Variants in CNKSR2 observed in about 807,000 individuals in gnomAD.
CNKSR2 encodes connector enhancer of kinase suppressor of Ras 2.
In CNKSR2, 14 loss-of-function variants were observed where a neutral mutation model predicts 84.4. The ratio of observed to expected loss-of-function variants is 0.17; its 90% confidence interval spans 0.11 to 0.26. The LOEUF is 0.26. Among genes scored for constraint, CNKSR2 ranks in the 10% least tolerant of loss-of-function variants. CNKSR2 has a pLI of 1.00. For synonymous variants in CNKSR2, 275 were observed against 277.9 expected (o/e 0.99, Z 0.10); for missense variants, 485 against 771.2 (o/e 0.63, Z 4.40).
chrX:21,513,457 C>G (rs1181156813), intron 8 of CNKSR2, among the ~76,000 whole-genome samples: 2 of 112,016 alleles, frequency 1.8e-5, no homozygotes, highest in Non-Finnish European at 3.8e-5. Flanking sequence ...ATTATTTGAC[C>G]TATGCAAGAA....
chrX:21,491,491 A>G (rs1215268432), intron 6 of CNKSR2: 2 of 112,339 alleles, frequency 1.8e-5, no homozygotes, highest in South Asian at 7.3e-4. Flanking sequence ...ATACATCTAT[A>G]TAACTGTTCA....
chrX:21,541,135 A>G (rs2091973278), intron 11 of CNKSR2, among the ~76,000 whole-genome samples: 1 of 110,035 alleles, frequency 9.1e-6, no homozygotes, highest in Non-Finnish European at 1.9e-5. Flanking sequence ...GATGCACGCC[A>G]CCACGCCCAG....
At chrX:21,508,355 T>A (rs1266053119) in intron 8 of CNKSR2, among the ~76,000 whole-genome samples, 1 of 111,797 alleles carries the variant, frequency 8.9e-6, no homozygotes, top group Non-Finnish European at 1.9e-5. Context: ...TGTATTATTA[T>A]GGTTATTTTA....
intron 11 of CNKSR2, among the ~76,000 whole-genome samples, chrX:21,552,575 A>G (rs964901524): frequency 8.9e-6 from 1 of 112,208 alleles, no homozygotes; most frequent in Non-Finnish European, 1.9e-5. Context: ...ACAGATAAGC[A>G]TATAGAACAA....
intron 1 of CNKSR2, among the ~76,000 whole-genome samples, chrX:21,395,586 C>A (rs2090110289): frequency 9.2e-6 from 1 of 109,235 alleles, no homozygotes; most frequent in Non-Finnish European, 1.9e-5. Flanking sequence ...GACAGCTTTA[C>A]TTCTGTCAGG....
intron 2 of CNKSR2, among the ~76,000 whole-genome samples, chrX:21,431,811 T>G (rs970593864): frequency 6.3e-5 from 7 of 111,812 alleles, no homozygotes; most frequent in Non-Finnish European, 1.3e-4. Context: ...CCGTTTCTGC[T>G]ATAAAGTATA....
intron 4 of CNKSR2, among the ~76,000 whole-genome samples, chrX:21,453,393 A>G (rs2090959953): frequency 9.1e-6 from 1 of 110,480 alleles, no homozygotes; most frequent in Admixed American, 1.1e-4. Flanking sequence ...TTATGATAGG[A>G]TAATTAAAGT....
At position 21,601,371 on chromosome X, in the gene CNKSR2, A is replaced by G. The variant is rs747379976; in HGVS notation, c.2044+22A>G. ...CAAGGTAAAGGAATACTTTTTTAAA[A>G]TAATTATGTTATACTTTTTTTCCTG... On this transcript the variant is annotated intron_variant, in intron 18 of 21. Transcript: ENST00000379510. The G allele has an allele frequency of 4.1e-6, 4 of 981,078 alleles. No homozygotes were observed. The Admixed American group carries it at 9.8e-5, about 24-fold the overall frequency. The allele number at this position is 981,078 out of a possible 1,213,427, so 80.9% of individuals were successfully genotyped here. A position where few individuals can be genotyped will look rare whatever the true frequency, so the allele number is the denominator to read the frequency against.
At chrX:21,443,664 G>A (rs2090815333) in intron 4 of CNKSR2, among the ~76,000 whole-genome samples, 3 of 111,332 alleles carry the variant, frequency 2.7e-5, no homozygotes, top group South Asian at 3.7e-4. Flanking sequence ...TCCTAATTAC[G>A]CAGAAACAAT....
chrX:21,553,227 G>A (rs753018969), intron 11 of CNKSR2, among the ~76,000 whole-genome samples: 1 of 111,579 alleles, frequency 9.0e-6, no homozygotes, highest in South Asian at 3.8e-4. Flanking sequence ...TTTGTCTAAT[G>A]TAATGGTCTT....
chrX:21,454,272 T>G (rs951646835), intron 4 of CNKSR2, among the ~76,000 whole-genome samples: 2 of 111,954 alleles, frequency 1.8e-5, no homozygotes, highest in Non-Finnish European at 3.8e-5. Flanking sequence ...TTAAGTGCAA[T>G]GAAGTCTGAA....
chrX:21,601,246 T>A, intron 17 of CNKSR2, 36 bp from the exon 18 acceptor site: 1 of 854,587 alleles, frequency 1.2e-6, no homozygotes, highest in Non-Finnish European at 1.7e-6. Flanking sequence ...AGAAATTAGG[T>A]TACAATGTTA....
intron 11 of CNKSR2, among the ~76,000 whole-genome samples, chrX:21,540,593 A>T (rs1397052791): frequency 1.8e-5 from 2 of 112,215 alleles, no homozygotes; most frequent in African/African-American, 6.5e-5. Context: ...ATGGTAATTT[A>T]ATCTCTTAGC....
chrX:21,546,155 A>C (rs151335213), intron 11 of CNKSR2, among the ~76,000 whole-genome samples: 1 of 110,267 alleles, frequency 9.1e-6, no homozygotes, highest in Admixed American at 9.7e-5. Context: ...AACCCAATGC[A>C]AGGAAGCTGA....
At chrX:21,500,196 A>G (rs1459095741) in intron 7 of CNKSR2, among the ~76,000 whole-genome samples, 1 of 110,994 alleles carries the variant, frequency 9.0e-6, no homozygotes, top group Admixed American at 9.6e-5. Context: ...TTGTGTTATT[A>G]CTTCAGTAAC....
chrX:21,387,781 T>A (rs943817845), intron 1 of CNKSR2, among the ~76,000 whole-genome samples: 7 of 111,654 alleles, frequency 6.3e-5, no homozygotes, highest in Non-Finnish European at 1.3e-4. Flanking sequence ...ATAATTTTTT[T>A]AAAACTCACT....
chrX:21,464,730 A>G (rs996433558), intron 4 of CNKSR2, among the ~76,000 whole-genome samples: 6 of 111,968 alleles, frequency 5.4e-5, no homozygotes, highest in Non-Finnish European at 9.4e-5. Flanking sequence ...TATATCATCA[A>G]CTATTATATT....
At chrX:21,479,909 A>G (rs1234849620) in intron 5 of CNKSR2, among the ~76,000 whole-genome samples, 3 of 110,887 alleles carry the variant, frequency 2.7e-5, no homozygotes, top group Admixed American at 9.6e-5. Context: ...TGAGGCTGCA[A>G]TGTCACTGTG....
At chrX:21,579,440 A>C (rs1271626044) in intron 13 of CNKSR2, among the ~76,000 whole-genome samples, 2 of 111,673 alleles carry the variant, frequency 1.8e-5, no homozygotes, top group East Asian at 5.6e-4. Flanking sequence ...TCAAGAGTGT[A>C]GCCTACCTCT....
Sources: allele counts gnomAD v4.1 joint callset (sites outside exome capture counted in the v4.1 genomes callset), GRCh38; gene constraint gnomAD v4.1.1; transcripts MANE v1.5; gene names NCBI Gene and HGNC (gene_info 2026-07-23, HGNC 2026-07-21).